The following UCMA variants were observed in gnomAD, a reference collection of about 807,000 sequenced individuals.
UCMA encodes upper zone of growth plate and cartilage matrix-associated protein.
Under a neutral mutation model 21.8 loss-of-function variants are expected in UCMA, and 21 were observed. The observed-to-expected ratio is 0.97, with a 90% CI of 0.68 to 1.39. The LOEUF is 1.39. Ranked by LOEUF, UCMA falls within the 40% of genes most tolerant of loss-of-function variation. UCMA has a pLI of 0.00. For synonymous variants in UCMA, 76 were observed against 67.9 expected, an observed-to-expected ratio of 1.12 and a Z score of -0.58; for missense variants, 193 against 178.9, an observed-to-expected ratio of 1.08 and a Z score of -0.45.
intron 2 of UCMA, 44 bp from the exon 3 acceptor site, chr10:13,233,677 G>C (rs756486589): frequency 6.2e-7 from 1 of 1,613,744 alleles, no homozygotes; most frequent in Non-Finnish European, 8.5e-7. Flanking sequence ...TGGGGGTGCT[G>C]GGGCTGCTGC....
chr10:13,226,489 A>G (rs902718955), intron 4 of UCMA, among the ~76,000 whole-genome samples: 2 of 152,172 alleles, frequency 1.3e-5, no homozygotes, highest in East Asian at 1.9e-4. Flanking sequence ...TTTTAATTGA[A>G]AAATTTTTTT....
intron 1 of UCMA, 80 bp downstream of exon 1, chr10:13,234,121 C>T (rs1834938289): frequency 1.4e-6 from 2 of 1,393,166 alleles, no homozygotes; most frequent in Non-Finnish European, 9.7e-7. Flanking sequence ...ACCTGCATCA[C>T]CTGAGCAGCC....
intron 3 of UCMA, among the ~76,000 whole-genome samples, chr10:13,230,882 C>T (rs540279663): frequency 6.6e-6 from 1 of 152,126 alleles, no homozygotes; most frequent in Non-Finnish European, 1.5e-5. Context: ...CATGGCAAAA[C>T]CCCATCTCTA....
intron 3 of UCMA, among the ~76,000 whole-genome samples, chr10:13,230,778 C>T (rs115885261): frequency 0.09 from 13,720 of 152,256 alleles, 684 homozygotes; most frequent in South Asian, 0.11. Context: ...CATCTCAGGC[C>T]GGGCGTGGCG....
At chr10:13,233,122 C>T (rs1390344715) in intron 3 of UCMA, among the ~76,000 whole-genome samples, 2 of 152,138 alleles carry the variant, frequency 1.3e-5, no homozygotes, top group Non-Finnish European at 2.9e-5. Flanking sequence ...TGCTCTTATA[C>T]AGAAGGTGTG....
intron 3 of UCMA, among the ~76,000 whole-genome samples, chr10:13,231,660 G>T (rs908118399): frequency 2.6e-5 from 4 of 152,142 alleles, no homozygotes; most frequent in African/African-American, 7.2e-5. Context: ...GAGCTTTGAC[G>T]TAATGAATAA....
intron 4 of UCMA, among the ~76,000 whole-genome samples, chr10:13,224,423 AAAAGGAAG>A (rs1445860361): frequency 6.6e-6 from 1 of 152,090 alleles, no homozygotes; most frequent in African/African-American, 2.4e-5. Flanking sequence ...AAAAGAAAGG[AAAAGGAAG>A]AAAGAAAGAA....
intron 4 of UCMA, among the ~76,000 whole-genome samples, chr10:13,227,899 A>C (rs527710056): frequency 1.7e-4 from 26 of 151,894 alleles, no homozygotes; most frequent in Non-Finnish European, 3.7e-4. Context: ...AGTGGCTCAA[A>C]GACAGAGCAT....
intron 4 of UCMA, among the ~76,000 whole-genome samples, chr10:13,229,208 T>G (rs1053303275): frequency 6.6e-6 from 1 of 152,112 alleles, no homozygotes; most frequent in Non-Finnish European, 1.5e-5. Flanking sequence ...AGTGCTGGGA[T>G]TACAGGCATG....
chr10:13,233,656 C>T (rs765092869), intron 2 of UCMA, 23 bp from the exon 3 acceptor site: 12 of 1,614,008 alleles, frequency 7.4e-6, no homozygotes, highest in Non-Finnish European at 9.3e-6. Flanking sequence ...AGAGGCCTGT[C>T]ACCAGCAGTG....
At chr10:13,233,712 C>T (rs776480131) in intron 2 of UCMA, 23 bp downstream of exon 2, 1 of 1,614,048 alleles carries the variant, frequency 6.2e-7, no homozygotes, top group African/African-American at 1.3e-5. Context: ...CTGCCCTGCC[C>T]CGTGGGTGGC....
intron 4 of UCMA, among the ~76,000 whole-genome samples, chr10:13,224,226 C>T (rs1436709570): frequency 2.0e-5 from 3 of 152,056 alleles, no homozygotes; most frequent in East Asian, 3.9e-4. Context: ...ACTTGGGAGG[C>T]TGAGTTGGGA....
chr10:13,226,069 G>C (rs1834820308), intron 4 of UCMA, among the ~76,000 whole-genome samples: 1 of 152,106 alleles, frequency 6.6e-6, no homozygotes, highest in African/African-American at 2.4e-5. Flanking sequence ...GCTCATCCTT[G>C]ATTTACAAGA....
At position 13,233,762 on chromosome 10, in the gene UCMA, G is replaced by T; in HGVS notation, c.97C>A (p.Gln33Lys). Residue 33 changes from glutamine to lysine, a missense_variant, in exon 2 of 5, where the codon CAG becomes AAG. Transcript: ENST00000378681. ...TCACTCGCCTCTTCTCCCGCCATCT[G>T]CATGGTGCCCACAGATACACTGGTT... is the stretch of plus-strand genomic sequence containing the variant. ...EGTSVSVGTM[Q>K]MAGEEASEDA... The T allele has an allele frequency of 6.2e-7, 1 of 1,613,968 alleles. No individual in the cohort carries two copies. The highest frequency in any genetic ancestry group is 8.5e-7 in the Non-Finnish European group (1 of 1,180,004).
chr10:13,224,860 C>G (rs1242952208), intron 4 of UCMA, among the ~76,000 whole-genome samples: 1 of 152,166 alleles, frequency 6.6e-6, no homozygotes, highest in African/African-American at 2.4e-5. Context: ...TCAGAGCTGG[C>G]CCTCCCCTTG....
At chr10:13,224,987 T>C (rs942413) in intron 4 of UCMA, among the ~76,000 whole-genome samples, 67,863 of 152,064 alleles carry the variant, frequency 0.45, 15,546 homozygotes, top group African/African-American at 0.53. Flanking sequence ...TTTCTCAAGC[T>C]CAGTAGACGA....
chr10:13,227,208 G>C (rs982742684), intron 4 of UCMA, among the ~76,000 whole-genome samples: 3 of 152,212 alleles, frequency 2.0e-5, no homozygotes, highest in Non-Finnish European at 4.4e-5. Flanking sequence ...TGCAGCACCT[G>C]ACCCAGGGGT....
intron 4 of UCMA, among the ~76,000 whole-genome samples, chr10:13,226,840 G>A (rs142789079): frequency 6.3e-4 from 96 of 152,210 alleles, no homozygotes; most frequent in African/African-American, 2.2e-3. Flanking sequence ...ACCTGCAGGC[G>A]CCCAACCCTG....
At chr10:13,231,576 C>T (rs1168146135) in intron 3 of UCMA, among the ~76,000 whole-genome samples, 7 of 152,168 alleles carry the variant, frequency 4.6e-5, no homozygotes, top group Admixed American at 6.5e-5. Flanking sequence ...CCTAAAGAAG[C>T]GTCCTCTGTC....
Sources: allele counts gnomAD v4.1 joint callset (sites outside exome capture counted in the v4.1 genomes callset), GRCh38; gene constraint gnomAD v4.1.1; transcripts MANE v1.5; gene names NCBI Gene and HGNC (gene_info 2026-07-23, HGNC 2026-07-21).